The following PPP1R14C variants were observed in gnomAD, a reference collection of about 807,000 sequenced individuals.
PPP1R14C encodes protein phosphatase 1 regulatory inhibitor subunit 14C, also known as protein phosphatase 1 regulatory subunit 14C.
Under a neutral mutation model 20.4 loss-of-function variants are expected in PPP1R14C, and 16 were observed. That is an observed-to-expected ratio of 0.78 (90% CI 0.53 to 1.19). PPP1R14C has a LOEUF of 1.19. Among genes scored for constraint, PPP1R14C ranks in the 50% most tolerant of loss-of-function variants. PPP1R14C has a pLI of 0.00. For synonymous variants in PPP1R14C, 91 were observed against 91.0 expected (o/e 1.00, Z 0.00); for missense variants, 211 against 220.1 (o/e 0.96, Z 0.26).
intron 1 of PPP1R14C, among the ~76,000 whole-genome samples, chr6:150,211,657 A>G (rs990178922): frequency 6.6e-6 from 1 of 152,214 alleles, no homozygotes; most frequent in African/African-American, 2.4e-5. Flanking sequence ...CATTAAGAAT[A>G]TTAAGTACCA....
chr6:150,218,217 C>A (rs1778119371), intron 3 of PPP1R14C, among the ~76,000 whole-genome samples: 1 of 152,028 alleles, frequency 6.6e-6, no homozygotes, highest in African/African-American at 2.4e-5. Flanking sequence ...TCCTGGCTAA[C>A]ACGGTGAAAC....
intron 1 of PPP1R14C, among the ~76,000 whole-genome samples, chr6:150,168,454 A>T (rs1184391306): frequency 6.6e-6 from 1 of 152,030 alleles, no homozygotes; most frequent in Non-Finnish European, 1.5e-5. Context: ...AATGGCGTGA[A>T]CCCGGGAGGC....
chr6:150,184,894 G>T (rs896769064), intron 1 of PPP1R14C, among the ~76,000 whole-genome samples: 3 of 152,218 alleles, frequency 2.0e-5, no homozygotes, highest in African/African-American at 7.2e-5. Flanking sequence ...TAGCCGTATA[G>T]CCTGGCTGAG....
chr6:150,182,585 CACAA>C (rs373556251), intron 1 of PPP1R14C, among the ~76,000 whole-genome samples: 14 of 152,220 alleles, frequency 9.2e-5, no homozygotes, highest in African/African-American at 3.4e-4. Context: ...TTTTGGGGGA[CACAA>C]ACACTCAGTC....
At chr6:150,168,514 A>C (rs187382171) in intron 1 of PPP1R14C, among the ~76,000 whole-genome samples, 2,058 of 148,990 alleles carry the variant, frequency 0.014, 32 homozygotes, top group Admixed American at 0.051. Context: ...GCCTGGGCGA[A>C]AGAGCGAGAC....
intron 1 of PPP1R14C, among the ~76,000 whole-genome samples, chr6:150,144,042 C>A (rs965856808): frequency 6.6e-6 from 1 of 152,350 alleles, no homozygotes; most frequent in Non-Finnish European, 1.5e-5. Flanking sequence ...TGAGATGGAA[C>A]GCTTTCCGCT....
chr6:150,234,472 C>A (rs1226374870), intron 3 of PPP1R14C, among the ~76,000 whole-genome samples: 3 of 152,080 alleles, frequency 2.0e-5, no homozygotes, highest in Admixed American at 6.5e-5. Flanking sequence ...TTTGCAATGA[C>A]GAGAACCCCA....
chr6:150,192,824 A>G (rs1777762132), intron 1 of PPP1R14C, among the ~76,000 whole-genome samples: 1 of 152,122 alleles, frequency 6.6e-6, no homozygotes, highest in Non-Finnish European at 1.5e-5. Context: ...TCCTTCACCT[A>G]CAGGTCTGGC....
chr6:150,214,752 A>T lies in PPP1R14C; in HGVS notation c.315A>T (p.Glu105Asp). Residue 105 changes from glutamate to aspartate, a missense_variant, in exon 2 of 4, where the codon GAA (glutamate) becomes GAT (aspartate). By Grantham distance (45) the Glu-to-Asp change is conservative. Transcript: ENST00000361131. ...LGQLYGCEEE[E>D]MPEVEIDIDD... ...CTCCCACTGCCCCCCAGGAAGAAGA[A>T]ATGCCAGAGGTAGAAATTGACATTG... The T allele has an allele frequency of 6.2e-7, 1 of 1,613,110 alleles. No individual in the cohort carries two copies. Among genetic ancestry groups the T allele is most frequent in the African/African-American group, 1.3e-5 (1 of 75,008 alleles).
chr6:150,202,712 G>T (rs1290879985), intron 1 of PPP1R14C, among the ~76,000 whole-genome samples: 5 of 152,184 alleles, frequency 3.3e-5, no homozygotes, highest in Non-Finnish European at 5.9e-5. Context: ...GTCATTGTAT[G>T]ACTCACACCT....
At chr6:150,164,152 T>C (rs1319067561) in intron 1 of PPP1R14C, among the ~76,000 whole-genome samples, 1 of 152,232 alleles carries the variant, frequency 6.6e-6, no homozygotes, top group Non-Finnish European at 1.5e-5. Flanking sequence ...TTTTCATATG[T>C]TTACTGGCCT....
At chr6:150,212,715 G>C (rs1240925600) in intron 1 of PPP1R14C, among the ~76,000 whole-genome samples, 1 of 152,130 alleles carries the variant, frequency 6.6e-6, no homozygotes, top group Non-Finnish European at 1.5e-5. Flanking sequence ...TATGACAGTG[G>C]TCCCATAAGA....
chr6:150,247,861 T>A, intron 3 of PPP1R14C, among the ~76,000 whole-genome samples: 1 of 152,216 alleles, frequency 6.6e-6, no homozygotes, highest in East Asian at 1.9e-4. Context: ...GTCCCAGCAC[T>A]GTGTGGTCCT....
chr6:150,244,872 T>C (rs1191133226), intron 3 of PPP1R14C, among the ~76,000 whole-genome samples: 2 of 152,092 alleles, frequency 1.3e-5, no homozygotes, highest in African/African-American at 2.4e-5. Flanking sequence ...GGCTCACACA[T>C]AGTTGTTTTT....
intron 3 of PPP1R14C, among the ~76,000 whole-genome samples, chr6:150,241,662 G>A (rs1467985013): frequency 3.9e-5 from 6 of 152,104 alleles, no homozygotes; most frequent in Admixed American, 2.0e-4. Context: ...CGAGGTGGGC[G>A]GATCACTTGA....
At chr6:150,242,165 A>C (rs1346969046) in intron 3 of PPP1R14C, among the ~76,000 whole-genome samples, 1 of 152,226 alleles carries the variant, frequency 6.6e-6, no homozygotes, top group Non-Finnish European at 1.5e-5. Flanking sequence ...CTCTAGGCCC[A>C]GATGGCTTCA....
intron 1 of PPP1R14C, among the ~76,000 whole-genome samples, chr6:150,162,848 T>C (rs1777385164): frequency 6.6e-6 from 1 of 152,016 alleles, no homozygotes; most frequent in Non-Finnish European, 1.5e-5. Flanking sequence ...ATAAAGCTAA[T>C]AGGATAATGA....
rs1777154203 is a variant in PPP1R14C, at chr6:150,143,994, G to T, written c.306+496G>T. On this transcript the variant is annotated intron_variant, in intron 1 of 3. Coordinates refer to ENST00000361131, the MANE Select transcript of PPP1R14C (RefSeq NM_030949.3). The surrounding 1 kb of genome is among the most constrained non-coding windows in gnomAD (Gnocchi z 5.6). ...GAAAGGAGAGGTTCTGGGGATCTCA[G>T]AGGCCCCCTTGGTTCTTGAAATTCC... 6.6e-6 allele frequency among the ~76,000 whole-genome samples: 1 copy of T among 152,206 alleles called. No individual in the cohort carries two copies. Among genetic ancestry groups the T allele is most frequent in the Admixed American group, 6.5e-5 (1 of 15,286 alleles).
At chr6:150,236,212 A>G (rs891245550) in intron 3 of PPP1R14C, among the ~76,000 whole-genome samples, 2 of 152,096 alleles carry the variant, frequency 1.3e-5, no homozygotes, top group Admixed American at 6.5e-5. Flanking sequence ...TAATACTTGT[A>G]ATGATCAAAT....
Sources: allele counts gnomAD v4.1 joint callset (sites outside exome capture counted in the v4.1 genomes callset), GRCh38; gene constraint gnomAD v4.1.1; non-coding constraint Gnocchi (gnomAD v3.1); transcripts MANE v1.5; gene names NCBI Gene and HGNC (gene_info 2026-07-23, HGNC 2026-07-21).